The following MCUB variants were observed in gnomAD, a reference collection of about 807,000 sequenced individuals.
MCUB encodes mitochondrial calcium uniporter dominant negative subunit beta.
MCUB carries 46 observed loss-of-function variants against 41.4 expected under a neutral mutation model. The observed-to-expected ratio is 1.11, with a 90% confidence interval of 0.88 to 1.42. The LOEUF (loss-of-function observed/expected upper bound fraction) is 1.42, where lower values mean the gene tolerates loss of function less well. MCUB is among the 40% of genes most tolerant of loss of function. MCUB has a pLI of 0.00. For synonymous variants in MCUB, 148 were observed against 148.2 expected, an observed-to-expected ratio of 1.00 and a Z score of 0.01; for missense variants, 403 against 404.9, an observed-to-expected ratio of 1.00 and a Z score of 0.04.
chr4:109,671,074 T>C (rs1462769757), intron 4 of MCUB, among the ~76,000 whole-genome samples: 3 of 152,218 alleles, frequency 2.0e-5, no homozygotes, highest in African/African-American at 7.2e-5. Context: ...CGACAGCAAT[T>C]TTCCCTCTAA....
intron 1 of MCUB, among the ~76,000 whole-genome samples, chr4:109,657,218 C>CAAAAA (rs56707630): frequency 1.8e-5 from 2 of 111,404 alleles, no homozygotes; most frequent in Non-Finnish European, 3.7e-5. Flanking sequence ...TATTCCATCT[C>CAAAAA]AAAAAAAAAA....
chr4:109,674,133 A>C, intron 4 of MCUB: 1 of 1,364,318 alleles, frequency 7.3e-7, no homozygotes, highest in Non-Finnish European at 1.0e-6. Flanking sequence ...AGAAGAAGAG[A>C]TGCTGCCTTG....
At chr4:109,561,690 T>G (rs1726641553) in intron 1 of MCUB, among the ~76,000 whole-genome samples, 1 of 152,238 alleles carries the variant, frequency 6.6e-6, no homozygotes, top group African/African-American at 2.4e-5. Context: ...ATACCAAACA[T>G]TAAAACAACC....
intron 1 of MCUB, among the ~76,000 whole-genome samples, chr4:109,602,163 G>T (rs1249815660): frequency 1.3e-5 from 2 of 152,112 alleles, no homozygotes; most frequent in African/African-American, 4.8e-5. Context: ...GCCACTCTGT[G>T]GGTTGACTCT....
chr4:109,610,569 T>C (rs905748330), intron 1 of MCUB, among the ~76,000 whole-genome samples: 2 of 152,208 alleles, frequency 1.3e-5, no homozygotes, highest in Non-Finnish European at 2.9e-5. Flanking sequence ...TCCCTACTGT[T>C]TTGTGAAGAC....
chr4:109,595,781 T>C (rs867486852), intron 1 of MCUB, among the ~76,000 whole-genome samples: 2 of 152,272 alleles, frequency 1.3e-5, no homozygotes, highest in East Asian at 1.9e-4. Flanking sequence ...ATGGAGGAGA[T>C]TGTAGGGTCA....
chr4:109,585,927 G>T (rs1312115499), intron 1 of MCUB, among the ~76,000 whole-genome samples: 1 of 152,022 alleles, frequency 6.6e-6, no homozygotes, highest in Non-Finnish European at 1.5e-5. Context: ...TGTGTCTTGG[G>T]GTTGCTCTTC....
At chr4:109,685,149 G>C (rs1436726231) in intron 6 of MCUB, 102 bp from the exon 7 acceptor site, 9 of 626,474 alleles carry the variant, frequency 1.4e-5, no homozygotes, top group East Asian at 5.1e-5. Context: ...TCATTCATCT[G>C]CCTTCTTTTG....
At chr4:109,591,681 G>A (rs562497142) in intron 1 of MCUB, among the ~76,000 whole-genome samples, 7 of 152,118 alleles carry the variant, frequency 4.6e-5, no homozygotes, top group South Asian at 2.1e-4. Flanking sequence ...TTTCTCCATC[G>A]TATTTTAAGT....
At chr4:109,629,903 C>T (rs115963307) in intron 1 of MCUB, among the ~76,000 whole-genome samples, 1 of 152,192 alleles carries the variant, frequency 6.6e-6, no homozygotes, top group African/African-American at 2.4e-5. Context: ...TTCAGCTTCT[C>T]CCCCACTTCC....
intron 1 of MCUB, among the ~76,000 whole-genome samples, chr4:109,644,088 G>A (rs1201757327): frequency 1.3e-5 from 2 of 152,094 alleles, no homozygotes; most frequent in African/African-American, 4.8e-5. Flanking sequence ...TCTTTGTCAT[G>A]TTCAGTAGAG....
intron 4 of MCUB, among the ~76,000 whole-genome samples, chr4:109,677,932 G>A (rs1579096623): frequency 6.7e-6 from 1 of 150,144 alleles, no homozygotes; most frequent in Non-Finnish European, 1.5e-5. Flanking sequence ...GTGAACAAAG[G>A]TCTCTGGTTT....
At chr4:109,592,423 T>A (rs909452201) in intron 1 of MCUB, among the ~76,000 whole-genome samples, 1 of 151,306 alleles carries the variant, frequency 6.6e-6, no homozygotes, top group Non-Finnish European at 1.5e-5. Context: ...AAAAAAAAAA[T>A]TATATGTATA....
chr4:109,590,915 C>T (rs931135382), intron 1 of MCUB, among the ~76,000 whole-genome samples: 1 of 152,162 alleles, frequency 6.6e-6, no homozygotes, highest in Non-Finnish European at 1.5e-5. Context: ...CATGTCTTGT[C>T]AGAAGTTAAA....
At chr4:109,647,732 A>G (rs990761817) in intron 1 of MCUB, among the ~76,000 whole-genome samples, 82 of 152,188 alleles carry the variant, frequency 5.4e-4, no homozygotes, top group Admixed American at 5.2e-3. Flanking sequence ...CTAAGGTCAC[A>G]CCCATAATAA....
intron 1 of MCUB, among the ~76,000 whole-genome samples, chr4:109,653,747 G>C (rs940727971): frequency 1.3e-5 from 2 of 152,158 alleles, no homozygotes; most frequent in African/African-American, 4.8e-5. Flanking sequence ...AGCTAATTTT[G>C]TATTTTTTGT....
intron 5 of MCUB, among the ~76,000 whole-genome samples, chr4:109,684,119 G>A (rs1579100461): frequency 7.0e-6 from 1 of 143,684 alleles, no homozygotes; most frequent in South Asian, 2.1e-4. Flanking sequence ...CTGGAGTGCA[G>A]TGGAGTGATC....
intron 1 of MCUB, among the ~76,000 whole-genome samples, chr4:109,622,598 T>C (rs1418042510): frequency 6.6e-6 from 1 of 152,214 alleles, no homozygotes; most frequent in East Asian, 1.9e-4. Flanking sequence ...CTGAGGCACT[T>C]TAAAAACCAA....
chr4:109,587,294 C>G (rs1727331477), intron 1 of MCUB, among the ~76,000 whole-genome samples: 1 of 152,228 alleles, frequency 6.6e-6, no homozygotes, highest in Non-Finnish European at 1.5e-5. Context: ...CCTGGTGTGC[C>G]ATTTGCTAAG....
Sources: gnomAD v4.1 joint callset for allele counts (sites outside exome capture counted in the v4.1 genomes callset) on GRCh38, gnomAD v4.1.1 for gene constraint, MANE v1.5 for transcripts, NCBI Gene and HGNC (gene_info 2026-07-23, HGNC 2026-07-21) for gene names.